Variants in CAD observed in about 807,000 individuals in gnomAD.
The protein encoded by CAD is multifunctional protein CAD.
Under a neutral mutation model 237.2 loss-of-function variants are expected in CAD, and 81 were observed. That is an observed-to-expected ratio of 0.34 (90% CI 0.29 to 0.41). The LOEUF (loss-of-function observed/expected upper bound fraction) is 0.41, where lower values mean the gene tolerates loss of function less well. CAD is among the 10% of genes least tolerant of loss of function. CAD has a pLI of 1.00. For missense variants in CAD, 2,181 were observed against 2,951.7 expected, an observed-to-expected ratio of 0.74 and a Z score of 6.05; for synonymous variants, 1,196 against 1,162.8, an observed-to-expected ratio of 1.03 and a Z score of -0.58.
chr2:27,223,824 T>C (rs1675298536), intron 7 of CAD, 76 bp downstream of exon 7: 6 of 1,562,152 alleles, frequency 3.8e-6, no homozygotes, highest in Non-Finnish European at 4.4e-6. Context: ...AGCACGGCAG[T>C]GGATCCGAGT....
At position 27,224,462 on chromosome 2, in the gene CAD, C is replaced by A; in HGVS notation, c.1226C>A (p.Ala409Asp). 1 of 1,614,144 alleles carries A rather than the reference C, an allele frequency of 6.2e-7. No homozygotes were observed. Among genetic ancestry groups the A allele is most frequent in the Non-Finnish European group, 8.5e-7 (1 of 1,180,010 alleles). The stretch of plus-strand genomic sequence containing the variant: ...TCAGGGGGCCTCTCCATTGGCCAAG[C>A]TGGAGAATTTGACTACTCGGGCTCT... ...LGSGGLSIGQ[A>D]GEFDYSGSQA... Residue 409 changes from alanine to aspartate, a missense_variant, in exon 9 of 44, where the codon GCT becomes GAT. Ala to Asp is a moderately radical substitution (Grantham distance 126, BLOSUM62 -2). Transcript: ENST00000264705.
At position 27,240,068 on chromosome 2, in the gene CAD, C is replaced by G; in HGVS notation, c.5497-197C>G. On this transcript the variant is annotated intron_variant, in intron 34 of 43. Coordinates refer to ENST00000264705, the MANE Select transcript of CAD (RefSeq NM_004341.5). This position sits in a 1 kb window ranked among gnomAD's most constrained non-coding sequence, Gnocchi z 4.6. ...CCAGCCTAGCCAACATGGTGAAACC[C>G]CATCTCTACTAAAAATAAAAAAATT... 1 of 606,678 alleles carries G rather than the reference C, an allele frequency of 1.6e-6. No individual in the cohort carries two copies. The highest frequency in any genetic ancestry group is 2.9e-6 in the Non-Finnish European group (1 of 346,008). The allele number at this position is 606,678 out of a possible 1,614,324, so 37.6% of individuals were successfully genotyped here.
rs1413755799 is a variant in CAD at position 27,217,986 on chromosome 2, A to C, written c.192A>C (p.Pro64=). The C allele has an allele frequency of 6.2e-7, 1 of 1,611,556 alleles. No individual in the cohort carries two copies. Among genetic ancestry groups the C allele is most frequent in the Non-Finnish European group, 8.5e-7 (1 of 1,178,616 alleles). Reference sequence around the variant, plus strand: ...TGATCGGCAACTATGGCATCCCCCCAGATGAAATGGATGAGTTCGGTCTCT... The same window carrying C: ...TGATCGGCAACTATGGCATCCCCCCCGATGAAATGGATGAGTTCGGTCTCT... ...YPLIGNYGIP[P]DEMDEFGLCK... Residue 64 remains proline (P), a synonymous_variant, in exon 2 of 44, where the codon CCA becomes CCC. Transcript: ENST00000264705.
chr2:27,228,922 C>CTTTT (rs1183635798), intron 15 of CAD, among the ~76,000 whole-genome samples: 1 of 105,948 alleles, frequency 9.4e-6, no homozygotes, highest in Non-Finnish European at 2.0e-5. Context: ...TTTTTTTTTT[C>CTTTT]TTTTTTTTTT....
Position 27,242,437 on chromosome 2 carries a change from G to A in CAD, c.6222+10G>A. 2 of 1,612,246 alleles carry A rather than the reference G, an allele frequency of 1.2e-6. No individual in the cohort carries two copies. Among genetic ancestry groups the A allele is most frequent in the East Asian group, 2.2e-5 (1 of 44,850 alleles). Reference sequence around the variant, plus strand: ...TGTCAATGGCATGACGGTGAGGGTGGTGGCAGGGTTTGGATCCCTGCCAGG... The same window carrying A: ...TGTCAATGGCATGACGGTGAGGGTGATGGCAGGGTTTGGATCCCTGCCAGG... On this transcript the variant is annotated intron_variant, in intron 40 of 43. Transcript: ENST00000264705. The surrounding 1 kb of genome is among the most constrained non-coding windows in gnomAD (Gnocchi z 6.4).
chr2:27,224,637 T>C, intron 9 of CAD, 108 bp from the exon 10 acceptor site: 1 of 1,540,614 alleles, frequency 6.5e-7, no homozygotes, highest in Non-Finnish European at 8.9e-7. Flanking sequence ...AAGTCAATTA[T>C]TAGGGGCCAA....
rs1675754267 is a variant in CAD, at chr2:27,231,487, G to T, written c.2307G>T (p.Gly769=). Residue 769 remains glycine, a synonymous_variant, in exon 16 of 44, where the codon GGG becomes GGT. Coordinates refer to ENST00000264705, the MANE Select transcript of CAD (RefSeq NM_004341.5). ...TTCCAGGTGAAGTCATGGGCATTGG[G>T]CGTTCATTTGAGGAGGCCTTCCAGA... ...MKSVGEVMGI[G]RSFEEAFQKA... is the part of the protein sequence containing the mutation. 1 of 1,609,740 alleles carries T rather than the reference G, an allele frequency of 6.2e-7. No individual in the cohort carries two copies. Among genetic ancestry groups the T allele is most frequent in the Non-Finnish European group, 8.5e-7 (1 of 1,176,204 alleles).
rs969726021 is a variant in CAD at position 27,239,945 on chromosome 2, A to T, written c.5496+147A>T. ...GTGGGGTTGGGTCAATTATTTTTTTAAAATGCTGGGCCAGGCCAGATGTGG... is the reference window on the plus strand; with the variant it reads ...GTGGGGTTGGGTCAATTATTTTTTTTAAATGCTGGGCCAGGCCAGATGTGG... On this transcript the variant is annotated intron_variant, in intron 34 of 43. Coordinates refer to ENST00000264705, the MANE Select transcript of CAD (RefSeq NM_004341.5). The surrounding 1 kb of genome is among the most constrained non-coding windows in gnomAD (Gnocchi z 4.0). 9.3e-6 allele frequency: 6 copies of T among 642,660 alleles called. No homozygotes were observed. Among genetic ancestry groups the T allele is most frequent in the East Asian group, 2.9e-5 (1 of 34,222 alleles). The allele number at this position is 642,660 out of a possible 1,614,324, so 39.8% of individuals were successfully genotyped here.
rs1676272871 is a variant in CAD at position 27,240,655 on chromosome 2, T to A, written c.5594-256T>A. On this transcript the variant is annotated intron_variant, in intron 35 of 43. Coordinates refer to ENST00000264705, the MANE Select transcript of CAD (RefSeq NM_004341.5). The surrounding 1 kb of genome is among the most constrained non-coding windows in gnomAD (Gnocchi z 4.6). ...TGTTGGTTGGTGTGAGTCTGGCCGT[T>A]CCTCTTGCCTAGGATGCCTTTGCCA... 2 of 1,539,914 alleles carry A rather than the reference T, an allele frequency of 1.3e-6. No homozygotes were observed. The highest frequency in any genetic ancestry group is 2.7e-5 in the African/African-American group (2 of 72,780).
rs1284860023 is a variant in CAD at position 27,242,228 on chromosome 2, G to A, written c.6097-74G>A. The A allele has an allele frequency of 1.3e-6, 2 of 1,578,646 alleles. No homozygotes were observed. Among genetic ancestry groups the A allele is most frequent in the Admixed American group, 1.7e-5 (1 of 57,592 alleles). On this transcript the variant is annotated intron_variant, in intron 39 of 43. Coordinates refer to ENST00000264705, the MANE Select transcript of CAD (RefSeq NM_004341.5). This position sits in a 1 kb window ranked among gnomAD's most constrained non-coding sequence, Gnocchi z 6.4. ...GTGTTTTGGGCCAGATGAGTGAGGG[G>A]ACCCCAGAAGAGGGGGACTGGCAGT...
Position 27,231,242 on chromosome 2 carries a change from G to A in CAD, c.2288-226G>A, listed in dbSNP as rs149395113. Among the ~76,000 whole-genome samples the A allele has an allele frequency of 3.2e-4, 49 of 152,266 alleles. 2 individuals carry two copies. In the East Asian group the frequency reaches 8.1e-3, roughly 25 times the overall value. ...AGGATGGTCTCGATCTCCTGACCTC[G>A]TGATCCTTCCGCCTCAGCCTCCCAA... On this transcript the variant is annotated intron_variant, in intron 15 of 43. Transcript: ENST00000264705.
intron 16 of CAD, 106 bp from the exon 17 acceptor site, chr2:27,231,874 T>C: frequency 7.3e-7 from 1 of 1,372,478 alleles, no homozygotes; most frequent in Non-Finnish European, 1.0e-6. Flanking sequence ...ACACAGCCTG[T>C]GCTCTGGTGT....
Position 27,237,801 on chromosome 2 carries a change from C to A in CAD, c.4647C>A (p.Ala1549=), listed in dbSNP as rs73921501. Residue 1549 remains alanine (A), a synonymous_variant, in exon 29 of 44, where the codon GCC becomes GCA. Transcript: ENST00000264705. This position sits in a 1 kb window ranked among gnomAD's most constrained non-coding sequence, Gnocchi z 4.0. ...SENAGTLGTV[A]GSAAGLKLYL... ...ATGCAGGAACCTTGGGCACCGTGGC[C>A]GGGTCTGCAGCCGGGCTGAAGCTTT... The A allele has an allele frequency of 1.9e-6, 3 of 1,614,196 alleles. No individual in the cohort carries two copies. In the Admixed American group the frequency reaches 5.0e-5, roughly 27 times the overall value.
Position 27,242,945 on chromosome 2 carries a change from G to A in CAD, c.6452G>A (p.Arg2151Gln), listed in dbSNP as rs1676392608. The change falls in exon 42 of 44, where the codon CGA (arginine) becomes CAA (glutamine). Residue 2151 changes from arginine to glutamine, a missense_variant. Transcript: ENST00000264705. The surrounding 1 kb of genome is among the most constrained non-coding windows in gnomAD (Gnocchi z 6.4). ...VLYMTRIQKE[R>Q]FGSTQEYEAC... ...TACATGACTCGAATCCAGAAGGAAC[G>A]ATTTGGCTCTACCCAGGAGTACGAA... is the stretch of plus-strand genomic sequence containing the variant. The A allele has an allele frequency of 1.9e-6, 3 of 1,607,468 alleles. No individual in the cohort carries two copies. The highest frequency in any genetic ancestry group is 2.6e-6 in the Non-Finnish European group (3 of 1,174,732).
Position 27,237,840 on chromosome 2 carries a change from C to A in CAD, c.4686C>A (p.Thr1562=). ...AAGLKLYLNE[T]FSELRLDSVV... Reference sequence around the variant, plus strand: ...GGCTGAAGCTTTACCTCAATGAGACCTTCTCTGAGCTGCGGCTGGACAGCG... The same window carrying A: ...GGCTGAAGCTTTACCTCAATGAGACATTCTCTGAGCTGCGGCTGGACAGCG... Residue 1562 remains threonine, a synonymous_variant, in exon 29 of 44, where the codon ACC becomes ACA. Coordinates refer to ENST00000264705, the MANE Select transcript of CAD (RefSeq NM_004341.5). This position sits in a 1 kb window ranked among gnomAD's most constrained non-coding sequence, Gnocchi z 4.0. 1 of 1,613,498 alleles carries A rather than the reference C, an allele frequency of 6.2e-7. No individual in the cohort carries two copies.
At position 27,242,506 on chromosome 2, in the gene CAD, G is replaced by A. The variant is rs1676370660; in HGVS notation, c.6222+79G>A. On this transcript the variant is annotated intron_variant, in intron 40 of 43. Coordinates refer to ENST00000264705, the MANE Select transcript of CAD (RefSeq NM_004341.5). This position sits in a 1 kb window ranked among gnomAD's most constrained non-coding sequence, Gnocchi z 6.4. Reference sequence around the variant, plus strand: ...GGCAGGAAGTGGTTACCCCGGTACAGGACAGCTGCATCAAGGAGGCCTTCA... The same window carrying A: ...GGCAGGAAGTGGTTACCCCGGTACAAGACAGCTGCATCAAGGAGGCCTTCA... The A allele has an allele frequency of 1.9e-6, 3 of 1,572,138 alleles. No individual in the cohort carries two copies. The East Asian group carries it at 6.8e-5, about 35-fold the overall frequency.
In CAD at chr2:27,236,505, C is replaced by T. The variant is rs369199612; in HGVS notation, c.4296C>T (p.Cys1432=). The T allele has an allele frequency of 3.1e-6, 5 of 1,612,342 alleles. No homozygotes were observed. In the African/African-American group the frequency reaches 5.3e-5, roughly 17 times the overall value. ...TGCCCCTAATCATCGATATCAAGTG[C>T]ACCAAACTCTTTGTGGAGGTAACTG... The part of the protein sequence containing the change: ...FSVPLIIDIK[C]TKLFVEALGQ... Residue 1432 remains cysteine (C), a synonymous_variant, in exon 26 of 44, where the codon TGC becomes TGT. Coordinates refer to ENST00000264705, the MANE Select transcript of CAD (RefSeq NM_004341.5). This position sits in a 1 kb window ranked among gnomAD's most constrained non-coding sequence, Gnocchi z 4.1.
At position 27,237,299 on chromosome 2, in the gene CAD, C is replaced by T. The variant is rs1000929961; in HGVS notation, c.4397-80C>T. 1.4e-5 allele frequency: 20 copies of T among 1,469,762 alleles called. No individual in the cohort carries two copies. The Admixed American group carries it at 2.6e-4, about 19-fold the overall frequency. 91.0% of individuals were successfully genotyped at this position (1,469,762 alleles called of 1,614,324 possible). On this transcript the variant is annotated intron_variant, in intron 27 of 43. Transcript: ENST00000264705. This position sits in a 1 kb window ranked among gnomAD's most constrained non-coding sequence, Gnocchi z 4.0. Reference sequence around the variant, plus strand: ...TCGGCCTCCCAAAGTGCTAGGATTACAGGCGTGAGCCACCATGTCCAGCTC... The same window carrying T: ...TCGGCCTCCCAAAGTGCTAGGATTATAGGCGTGAGCCACCATGTCCAGCTC...
chr2:27,239,358 C>A lies in CAD; in HGVS notation c.5281C>A (p.Pro1761Thr), dbSNP rs1284366375. The A allele has an allele frequency of 1.2e-6, 2 of 1,613,972 alleles. No homozygotes were observed. The highest frequency in any genetic ancestry group is 2.7e-5 in the African/African-American group (2 of 75,028). The part of the protein sequence containing the change: ...EVDLEHEWTI[P>T]SHMPFSKAHW... ...GGATCTGGAGCATGAGTGGACAATTCCCAGCCACATGCCCTTCTCCAAGGC... is the reference window on the plus strand; with the variant it reads ...GGATCTGGAGCATGAGTGGACAATTACCAGCCACATGCCCTTCTCCAAGGC... The change falls in exon 33 of 44, where the codon CCC (proline) becomes ACC (threonine). Residue 1761 changes from proline to threonine, a missense_variant. Transcript: ENST00000264705. The surrounding 1 kb of genome is among the most constrained non-coding windows in gnomAD (Gnocchi z 4.0).
Sources: allele counts gnomAD v4.1 joint callset (sites outside exome capture counted in the v4.1 genomes callset), GRCh38; gene constraint gnomAD v4.1.1; non-coding constraint Gnocchi (gnomAD v3.1); transcripts MANE v1.5; gene names NCBI Gene and HGNC (gene_info 2026-07-23, HGNC 2026-07-21).